COL24A1: variants seen among roughly 807,000 people sequenced by gnomAD.
COL24A1 encodes collagen alpha-1(XXIV) chain.
Under a neutral mutation model 253.9 loss-of-function variants are expected in COL24A1, and 224 were observed. The observed-to-expected ratio is 0.88, with a 90% CI of 0.79 to 0.99. COL24A1 has a LOEUF of 0.99. Among genes scored for constraint, COL24A1 ranks in the 50% least tolerant of loss-of-function variants. COL24A1 has a pLI of 0.00. For synonymous variants in COL24A1, 685 were observed against 673.7 expected (o/e 1.02, Z -0.26); for missense variants, 2,131 against 2,068.5 (o/e 1.03, Z -0.59).
At chr1:85,906,238 A>G (rs1363942401) in intron 28 of COL24A1, among the ~76,000 whole-genome samples, 1 of 104,802 alleles carries the variant, frequency 9.5e-6, no homozygotes, top group Admixed American at 1.0e-4. Flanking sequence ...ATTTTCTCCC[A>G]TTTGCCAACT....
chr1:86,041,427 G>C (rs1345223815), intron 12 of COL24A1, among the ~76,000 whole-genome samples: 2 of 152,016 alleles, frequency 1.3e-5, no homozygotes, highest in African/African-American at 4.8e-5. Context: ...TTAGGTCTGT[G>C]GAGCCATATA....
At chr1:85,853,780 G>GT (rs1678093348) in intron 37 of COL24A1, among the ~76,000 whole-genome samples, 1 of 152,116 alleles carries the variant, frequency 6.6e-6, no homozygotes, top group Admixed American at 6.5e-5. Flanking sequence ...TTTGAGAAGT[G>GT]TATGTTCAAG....
At chr1:86,094,574 G>A (rs888663153) in intron 5 of COL24A1, among the ~76,000 whole-genome samples, 1 of 151,816 alleles carries the variant, frequency 6.6e-6, no homozygotes, top group Non-Finnish European at 1.5e-5. Flanking sequence ...AACCCCTAAT[G>A]ACACAATGTT....
intron 53 of COL24A1, among the ~76,000 whole-genome samples, chr1:85,773,561 A>C (rs1349958680): frequency 6.6e-6 from 1 of 152,170 alleles, no homozygotes; most frequent in East Asian, 1.9e-4. Context: ...AGTGGTTTGT[A>C]GTTCTCCTTG....
chr1:86,114,585 A>G (rs1019397294), intron 4 of COL24A1, among the ~76,000 whole-genome samples: 3 of 152,206 alleles, frequency 2.0e-5, no homozygotes, highest in Non-Finnish European at 4.4e-5. Flanking sequence ...CTAGAGCCCA[A>G]TGAGAATTCA....
At chr1:85,902,721 A>G (rs964273784) in intron 28 of COL24A1, among the ~76,000 whole-genome samples, 5 of 152,182 alleles carry the variant, frequency 3.3e-5, no homozygotes, top group Non-Finnish European at 5.9e-5. Flanking sequence ...TCATGGAGGT[A>G]GAGAGTAGGA....
chr1:85,758,624 C>T (rs976745295), intron 55 of COL24A1, among the ~76,000 whole-genome samples: 2 of 152,060 alleles, frequency 1.3e-5, no homozygotes, highest in Non-Finnish European at 2.9e-5. Context: ...GAGAACTGAG[C>T]AAGTTACTTT....
At chr1:86,083,870 C>G (rs1316786334) in intron 7 of COL24A1, among the ~76,000 whole-genome samples, 2 of 152,196 alleles carry the variant, frequency 1.3e-5, no homozygotes, top group Non-Finnish European at 2.9e-5. Flanking sequence ...AAATGTAGTC[C>G]TTACATTATA....
intron 47 of COL24A1, among the ~76,000 whole-genome samples, chr1:85,813,351 A>G (rs1263731334): frequency 6.6e-6 from 1 of 151,816 alleles, no homozygotes; most frequent in Non-Finnish European, 1.5e-5. Flanking sequence ...AATATGCCAT[A>G]AATTCATTAA....
At chr1:85,825,504 C>T (rs926378439) in intron 43 of COL24A1, among the ~76,000 whole-genome samples, 3 of 152,194 alleles carry the variant, frequency 2.0e-5, no homozygotes, top group Admixed American at 6.5e-5. Flanking sequence ...ACCACACTGA[C>T]TCCCACAATG....
intron 55 of COL24A1, among the ~76,000 whole-genome samples, chr1:85,756,963 A>G (rs746599649): frequency 7.9e-5 from 12 of 152,250 alleles, no homozygotes; most frequent in Non-Finnish European, 1.8e-4. Flanking sequence ...ACAAAAAGAC[A>G]AATATTGTAT....
intron 52 of COL24A1, among the ~76,000 whole-genome samples, chr1:85,777,974 CT>C (rs1216816648): frequency 1.3e-5 from 2 of 151,790 alleles, no homozygotes; most frequent in African/African-American, 2.4e-5. Context: ...ATTGAACTTT[CT>C]TTTTCAAACT....
At chr1:86,063,036 T>G (rs1701207040) in intron 8 of COL24A1, among the ~76,000 whole-genome samples, 1 of 152,070 alleles carries the variant, frequency 6.6e-6, no homozygotes, top group Non-Finnish European at 1.5e-5. Context: ...CTTTTCACTG[T>G]TATATTCATA....
intron 20 of COL24A1, among the ~76,000 whole-genome samples, chr1:85,978,477 T>A (rs1692917160): frequency 1.3e-5 from 2 of 151,906 alleles, no homozygotes; most frequent in Admixed American, 1.3e-4. Context: ...TTCAAGAGGC[T>A]CACCTAACAC....
chr1:85,896,430 CTGT>C (rs1460740982), intron 28 of COL24A1, 21 bp from the exon 29 acceptor site: 1 of 1,597,748 alleles, frequency 6.3e-7, no homozygotes, highest in African/African-American at 1.3e-5. Context: ...AAAAAATATC[CTGT>C]TGTTAATTTG....
At chr1:85,955,500 C>A (rs1690352693) in intron 24 of COL24A1, among the ~76,000 whole-genome samples, 1 of 152,238 alleles carries the variant, frequency 6.6e-6, no homozygotes, top group Non-Finnish European at 1.5e-5. Flanking sequence ...CACATGCCCA[C>A]TGGGGCTTTG....
intron 43 of COL24A1, among the ~76,000 whole-genome samples, chr1:85,828,014 A>T (rs1033518884): frequency 7.2e-5 from 11 of 151,976 alleles, no homozygotes; most frequent in South Asian, 2.1e-4. Flanking sequence ...TTGTGATGTT[A>T]GGGTGTCAAT....
At position 85,786,520 on chromosome 1, in the gene COL24A1, G is replaced by A. The variant is rs900223960; in HGVS notation, c.3952-59C>T. The stretch of plus-strand genomic sequence containing the variant: ...AAGTTTCTAAAAAGTCAGTTTAGAG[G>A]CTCAATAAAATGTAGGAAGAGTTGT... On this transcript the variant is annotated intron_variant, in intron 47 of 59. Coordinates refer to ENST00000370571, the MANE Select transcript of COL24A1 (RefSeq NM_152890.7). The A allele has an allele frequency of 6.0e-6, 9 of 1,495,758 alleles. No individual in the cohort carries two copies. In the African/African-American group the frequency reaches 1.1e-4, roughly 18 times the overall value. The allele number at this position is 1,495,758 out of a possible 1,614,324, so 92.7% of individuals were successfully genotyped here.
chr1:86,008,610 A>T (rs1052524606), intron 19 of COL24A1, among the ~76,000 whole-genome samples: 5 of 152,204 alleles, frequency 3.3e-5, no homozygotes, highest in Admixed American at 6.5e-5. Flanking sequence ...GATGCTCACC[A>T]CTTCTTTAAC....
Sources: gnomAD v4.1 joint callset for allele counts (sites outside exome capture counted in the v4.1 genomes callset) on GRCh38, gnomAD v4.1.1 for gene constraint, MANE v1.5 for transcripts, NCBI Gene and HGNC (gene_info 2026-07-23, HGNC 2026-07-21) for gene names.